MTUS1: variants seen among roughly 807,000 people sequenced by gnomAD.
The protein encoded by MTUS1 is microtubule associated scaffold protein 1.
MTUS1 carries 109 observed loss-of-function variants against 120.8 expected under a neutral mutation model. That is an observed-to-expected ratio of 0.90 (90% CI 0.77 to 1.06). MTUS1 has a LOEUF of 1.06. Ranked by LOEUF, MTUS1 falls within the 50% of genes least tolerant of loss-of-function variation. The pLI is 0.00. For missense variants in MTUS1, 2,210 were observed against 1,486.3 expected (o/e 1.49, Z -8.01); for synonymous variants, 737 against 550.5 (o/e 1.34, Z -4.74).
chr8:17,662,349 A>ATTTTTTTTTTTTTTTTTTTTTTTTTTT (rs35308070), intron 8 of MTUS1, among the ~76,000 whole-genome samples: 3 of 112,714 alleles, frequency 2.7e-5, no homozygotes, highest in Non-Finnish European at 5.4e-5. Flanking sequence ...TTTTGTCCCT[A>ATTTTTTTTTTTTTTTTTTTTTTTTTTT]TTTTTTTTTT....
At chr8:17,720,344 T>TAAA (rs78717757) in intron 4 of MTUS1, among the ~76,000 whole-genome samples, 1 of 134,458 alleles carries the variant, frequency 7.4e-6, no homozygotes, top group African/African-American at 2.8e-5. Flanking sequence ...AAACTCCATC[T>TAAA]AAAAAAAAAA....
intron 7 of MTUS1, chr8:17,676,009 A>G: frequency 2.0e-6 from 1 of 500,434 alleles, no homozygotes; most frequent in Non-Finnish European, 3.6e-6. Flanking sequence ...AATTACATAC[A>G]GTTCCTTAAA....
In MTUS1 at chr8:17,754,221, C is replaced by T; in HGVS notation, c.1587G>A (p.Lys529=). Residue 529 remains lysine (K), a synonymous_variant, in exon 2 of 15, where the codon AAG becomes AAA. Coordinates refer to ENST00000693296, the MANE Select transcript of MTUS1 (RefSeq NM_001363059.2). ...TGGTCTGCTGAGGTCTGGGCGTGACCTTTGATAAAGCAGCATCTTTGGGCT... is the reference window on the plus strand; with the variant it reads ...TGGTCTGCTGAGGTCTGGGCGTGACTTTTGATAAAGCAGCATCTTTGGGCT... ...VLQPKDAALS[K]VTPRPQQTSA... is the part of the protein sequence containing the mutation. 1 of 1,614,014 alleles carries T rather than the reference C, an allele frequency of 6.2e-7. No homozygotes were observed. The highest frequency in any genetic ancestry group is 2.2e-5 in the East Asian group (1 of 44,876).
At chr8:17,760,374 G>C (rs912040716) in intron 1 of MTUS1, among the ~76,000 whole-genome samples, 1 of 152,000 alleles carries the variant, frequency 6.6e-6, no homozygotes, top group East Asian at 1.9e-4. Context: ...AAAAATAGTG[G>C]TACAGGGATT....
intron 1 of MTUS1, among the ~76,000 whole-genome samples, chr8:17,778,762 T>C (rs113067908): frequency 0.086 from 13,013 of 152,160 alleles, 1,875 homozygotes; most frequent in African/African-American, 0.29. Flanking sequence ...TGAGCTGAGA[T>C]AGCACCACTG....
intron 3 of MTUS1, among the ~76,000 whole-genome samples, chr8:17,729,132 G>C (rs1184370872): frequency 6.6e-6 from 1 of 152,076 alleles, no homozygotes; most frequent in Non-Finnish European, 1.5e-5. Flanking sequence ...TATATAACTT[G>C]GGTTCCTTAA....
intron 1 of MTUS1, among the ~76,000 whole-genome samples, chr8:17,756,671 A>ACTCCCC (rs1554526126): frequency 8.5e-6 from 1 of 117,484 alleles, no homozygotes; most frequent in African/African-American, 3.2e-5. Flanking sequence ...TCAAGCCCAA[A>ACTCCCC]CCCCCACCCC....
At chr8:17,673,847 T>C (rs1002487458) in intron 8 of MTUS1, among the ~76,000 whole-genome samples, 2 of 152,090 alleles carry the variant, frequency 1.3e-5, no homozygotes, top group East Asian at 3.9e-4. Flanking sequence ...GCAAATCAGG[T>C]TGGCAGTGTG....
At position 17,761,580 on chromosome 8, in the gene MTUS1, T is replaced by A. The variant is rs1044633818; in HGVS notation, c.-154-5619A>T. Among the ~76,000 whole-genome samples, 13 of 152,292 alleles carry A rather than the reference T, an allele frequency of 8.5e-5. No homozygotes were observed. The East Asian group carries it at 2.5e-3, about 29-fold the overall frequency. On this transcript the variant is annotated intron_variant, in intron 1 of 14. Coordinates refer to ENST00000693296, the MANE Select transcript of MTUS1 (RefSeq NM_001363059.2). ...TATATAAGAGTAGATGTCTTCTATA[T>A]CTCCCTATTACCCACAGTGTCTAGC...
In MTUS1 at chr8:17,646,999, C is replaced by T. The variant is rs1309882553; in HGVS notation, c.3582G>A (p.Lys1194=). The change falls in exon 14 of 15, where the codon AAG becomes AAA. Residue 1194 remains lysine, a synonymous_variant. Transcript: ENST00000693296. ...ENEELKARMD[K]HMAISRQLST... ...ATTTTTACCTTGAGATTGCCATGTG[C>T]TTGTCCATCCGAGCTTTCAATTCTT... 2.5e-6 allele frequency: 4 copies of T among 1,613,644 alleles called. No homozygotes were observed. In the South Asian group the frequency reaches 4.4e-5, roughly 18 times the overall value.
At chr8:17,676,593 CGA>C (rs74624242) in intron 7 of MTUS1, 34,819 of 540,884 alleles carry the variant, frequency 0.064, 2,118 homozygotes, top group East Asian at 0.23. Context: ...TTATGAAAAA[CGA>C]GAGGCAGGCA....
intron 3 of MTUS1, among the ~76,000 whole-genome samples, chr8:17,732,066 A>G (rs1214353443): frequency 6.6e-6 from 1 of 152,196 alleles, no homozygotes; most frequent in African/African-American, 2.4e-5. Flanking sequence ...CTGCCCTGAG[A>G]TGCCGTCCTT....
intron 6 of MTUS1, among the ~76,000 whole-genome samples, chr8:17,691,020 A>G (rs1816838525): frequency 6.6e-6 from 1 of 152,132 alleles, no homozygotes; most frequent in Admixed American, 6.5e-5. Context: ...TAGGGTAATT[A>G]TCTATTAATT....
intron 6 of MTUS1, chr8:17,704,285 A>T (rs977869252): frequency 6.6e-6 from 1 of 152,184 alleles, no homozygotes; most frequent in Non-Finnish European, 1.5e-5. Flanking sequence ...GCAGATTTTT[A>T]ATCTGATGTA....
chr8:17,790,989 C>T (rs527660608), intron 1 of MTUS1, among the ~76,000 whole-genome samples: 6 of 152,012 alleles, frequency 3.9e-5, no homozygotes, highest in African/African-American at 7.2e-5. Flanking sequence ...TCGGTGGGGG[C>T]GGGGAGAAGT....
In MTUS1 at chr8:17,761,699, T is replaced by G. The variant is rs373463283; in HGVS notation, c.-154-5738A>C. 1.4e-3 allele frequency among the ~76,000 whole-genome samples: 216 copies of G among 152,328 alleles called. 3 individuals carry two copies. Among genetic ancestry groups the G allele is most frequent in the African/African-American group, 5.0e-3 (207 of 41,580 alleles). On this transcript the variant is annotated intron_variant, in intron 1 of 14. Coordinates refer to ENST00000693296, the MANE Select transcript of MTUS1 (RefSeq NM_001363059.2). ...CCAAAAGTAAAACATAAGAACTGGC[T>G]TCATTACTTTATAACCACACAGAAT...
chr8:17,751,552 T>A (rs1310224861), intron 2 of MTUS1, among the ~76,000 whole-genome samples: 2 of 127,616 alleles, frequency 1.6e-5, no homozygotes, highest in African/African-American at 2.6e-5. Flanking sequence ...GCACTGTGCT[T>A]CAGACATGAT....
At chr8:17,744,065 C>G (rs886086021) in intron 2 of MTUS1, among the ~76,000 whole-genome samples, 5 of 152,158 alleles carry the variant, frequency 3.3e-5, no homozygotes, top group African/African-American at 9.7e-5. Flanking sequence ...AAATTCCAAC[C>G]TGACTCTAGT....
intron 8 of MTUS1, among the ~76,000 whole-genome samples, chr8:17,666,189 G>A (rs1318328819): frequency 6.8e-6 from 1 of 147,552 alleles, no homozygotes; most frequent in Non-Finnish European, 1.5e-5. Context: ...CGAGAGCACA[G>A]CTGAATATCT....
Sources: gnomAD v4.1 joint callset for allele counts (sites outside exome capture counted in the v4.1 genomes callset) on GRCh38, gnomAD v4.1.1 for gene constraint, MANE v1.5 for transcripts, NCBI Gene and HGNC (gene_info 2026-07-23, HGNC 2026-07-21) for gene names.